The following RAE1 variants were observed in gnomAD, a reference collection of about 807,000 sequenced individuals.
RAE1 encodes the protein ribonucleic acid export 1.
RAE1 carries 13 observed loss-of-function variants against 52.7 expected under a neutral mutation model. The observed-to-expected ratio is 0.25, with a 90% CI of 0.16 to 0.39. The LOEUF (loss-of-function observed/expected upper bound fraction) is 0.39. Ranked by LOEUF, RAE1 falls within the 10% of genes least tolerant of loss-of-function variation. RAE1 has a pLI of 1.00. For synonymous variants in RAE1, 164 were observed against 153.1 expected, an observed-to-expected ratio of 1.07 and a Z score of -0.52; for missense variants, 262 against 459.8, an observed-to-expected ratio of 0.57 and a Z score of 3.93.
Position 57,378,322 on chromosome 20 carries a change from T to G in RAE1, c.*223T>G. 1 of 506,436 alleles carries G rather than the reference T, an allele frequency of 2.0e-6. No homozygotes were observed. Among genetic ancestry groups the G allele is most frequent in the Non-Finnish European group, 3.5e-6 (1 of 282,260 alleles). The allele number at this position is 506,436 out of a possible 1,614,324, so 31.4% of individuals were successfully genotyped here. A position where few individuals can be genotyped will look rare whatever the true frequency, so the allele number is the denominator to read the frequency against. On this transcript the variant is annotated 3_prime_UTR_variant, in exon 12 of 12. Coordinates refer to ENST00000395841, the MANE Select transcript of RAE1 (RefSeq NM_003610.4). The stretch of plus-strand genomic sequence containing the variant: ...CAGAGTTTTTCTGTAACTAAGGGGG[T>G]TGAGGTTATTGTAGACGTTAGATTG...
intron 4 of RAE1, chr20:57,357,349 A>G (rs143312091): frequency 2.1e-4 from 32 of 152,312 alleles, no homozygotes; most frequent in African/African-American, 7.5e-4. Flanking sequence ...TATCATCTAA[A>G]TAAATCCTAT....
intron 1 of RAE1, chr20:57,351,755 C>G: frequency 1.0e-6 from 1 of 985,512 alleles, no homozygotes; most frequent in Non-Finnish European, 1.2e-6. Flanking sequence ...CTTTCCCTGG[C>G]CGCTTTGCAG....
chr20:57,362,732 A>G (rs757265269), intron 4 of RAE1, among the ~76,000 whole-genome samples: 13 of 152,164 alleles, frequency 8.5e-5, no homozygotes, highest in Non-Finnish European at 1.9e-4. Flanking sequence ...AGCAGCTGTA[A>G]AGTTTGGAAA....
rs1052900642 is a variant in RAE1 at position 57,351,696 on chromosome 20, C to T, written c.-8+274C>T. The T allele has an allele frequency of 3.8e-5, 37 of 985,388 alleles. No individual in the cohort carries two copies. In the African/African-American group the frequency reaches 6.3e-4, roughly 17 times the overall value. 61.0% of individuals were successfully genotyped at this position (985,388 alleles called of 1,614,324 possible). On this transcript the variant is annotated intron_variant, in intron 1 of 11. Coordinates refer to ENST00000395841, the MANE Select transcript of RAE1 (RefSeq NM_003610.4). ...AGTGTGTGTCGCCTCTGTCCCTCCC[C>T]CTTACACGTCTGGCGTCTCGTCAGA...
chr20:57,371,700 C>G (rs2067038070), intron 8 of RAE1: 1 of 152,218 alleles, frequency 6.6e-6, no homozygotes, highest in Admixed American at 6.5e-5. Context: ...GTTCCACTTA[C>G]AGGTCTTGAT....
chr20:57,354,194 G>GA, intron 2 of RAE1, 66 bp downstream of exon 2: 4 of 1,417,692 alleles, frequency 2.8e-6, no homozygotes, highest in Non-Finnish European at 3.9e-6. Flanking sequence ...ATCAAGGACA[G>GA]AACCCGAGAT....
chr20:57,378,999 T>G lies in RAE1; in HGVS notation c.*900T>G, dbSNP rs1036127837. 2.6e-5 allele frequency: 4 copies of G among 152,216 alleles called. No homozygotes were observed. The highest frequency in any genetic ancestry group is 5.9e-5 in the Non-Finnish European group (4 of 68,048). 9.4% of individuals were successfully genotyped at this position (152,216 alleles called of 1,614,324 possible). A position where few individuals can be genotyped will look rare whatever the true frequency, so the allele number is the denominator to read the frequency against. ...GGTTGGTAAGTATTCAAAATGAAAT[T>G]CAGCTGGGCTGAGAAAAAGTGTGAC... On this transcript the variant is annotated 3_prime_UTR_variant, in exon 12 of 12. Coordinates refer to ENST00000395841, the MANE Select transcript of RAE1 (RefSeq NM_003610.4).
intron 11 of RAE1, among the ~76,000 whole-genome samples, chr20:57,377,445 C>T (rs1463579009): frequency 6.6e-6 from 1 of 152,204 alleles, no homozygotes; most frequent in Non-Finnish European, 1.5e-5. Flanking sequence ...TGTAGTCTGG[C>T]CTCATCCTGA....
At chr20:57,365,281 C>A in intron 4 of RAE1, 75 bp from the exon 5 acceptor site, 1 of 1,076,440 alleles carries the variant, frequency 9.3e-7, no homozygotes, top group Non-Finnish European at 1.3e-6. Context: ...ATATGTTCAA[C>A]GTAGTATCTA....
rs41303907 is a variant in RAE1 at position 57,351,409 on chromosome 20, G to A, written c.-21G>A. On this transcript the variant is annotated 5_prime_UTR_variant, in exon 1 of 12. Coordinates refer to ENST00000395841, the MANE Select transcript of RAE1 (RefSeq NM_003610.4). ...GCTCCCGGCCGCCGCTTTCCGCCGGGGCGAGACCCCCAGGTAGGCCCCGTG... is the reference window on the plus strand; with the variant it reads ...GCTCCCGGCCGCCGCTTTCCGCCGGAGCGAGACCCCCAGGTAGGCCCCGTG... 3.3e-3 allele frequency: 3,252 copies of A among 985,522 alleles called. 6 individuals are homozygous for A. The highest frequency in any genetic ancestry group is 3.7e-3 in the Non-Finnish European group (3,065 of 830,000). The allele number at this position is 985,522 out of a possible 1,614,324, so 61.0% of individuals were successfully genotyped here.
At chr20:57,352,819 A>G (rs541889624) in intron 1 of RAE1, among the ~76,000 whole-genome samples, 15 of 152,348 alleles carry the variant, frequency 9.8e-5, no homozygotes, top group Non-Finnish European at 2.9e-5. Flanking sequence ...CCGTGTAACC[A>G]GCACCTGGAC....
At chr20:57,364,125 T>G (rs752026254) in intron 4 of RAE1, among the ~76,000 whole-genome samples, 1 of 152,210 alleles carries the variant, frequency 6.6e-6, no homozygotes, top group Non-Finnish European at 1.5e-5. Context: ...AAAGTTACCT[T>G]GGAGGCATAA....
At chr20:57,362,989 G>A (rs535500252) in intron 4 of RAE1, among the ~76,000 whole-genome samples, 11 of 152,156 alleles carry the variant, frequency 7.2e-5, no homozygotes, top group African/African-American at 2.6e-4. Context: ...CCATGTTGCC[G>A]AGACTGATCA....
At position 57,378,281 on chromosome 20, in the gene RAE1, A is replaced by G; in HGVS notation, c.*182A>G. 1.8e-6 allele frequency: 1 copy of G among 556,104 alleles called. No individual in the cohort carries two copies. The highest frequency in any genetic ancestry group is 3.2e-6 in the Non-Finnish European group (1 of 312,126). 34.4% of individuals were successfully genotyped at this position (556,104 alleles called of 1,614,324 possible). On this transcript the variant is annotated 3_prime_UTR_variant, in exon 12 of 12. Coordinates refer to ENST00000395841, the MANE Select transcript of RAE1 (RefSeq NM_003610.4). ...GTCCGCGGCGACTTGCCGTCTCTCC[A>G]TTCCACTGCCTGTTGCAGAGTTTTT...
In RAE1 at chr20:57,378,316, A is replaced by C. The variant is rs2146188037; in HGVS notation, c.*217A>C. On this transcript the variant is annotated 3_prime_UTR_variant, in exon 12 of 12. Transcript: ENST00000395841. ...CTGTTGCAGAGTTTTTCTGTAACTAAGGGGGTTGAGGTTATTGTAGACGTT... is the reference window on the plus strand; with the variant it reads ...CTGTTGCAGAGTTTTTCTGTAACTACGGGGGTTGAGGTTATTGTAGACGTT... 1 of 512,016 alleles carries C rather than the reference A, an allele frequency of 2.0e-6. No individual in the cohort carries two copies. Among genetic ancestry groups the C allele is most frequent in the Middle Eastern group, 5.2e-4 (1 of 1,940 alleles). 31.7% of individuals were successfully genotyped at this position (512,016 alleles called of 1,614,324 possible).
Position 57,378,982 on chromosome 20 carries a change from A to T in RAE1, c.*883A>T, listed in dbSNP as rs1174665443. On this transcript the variant is annotated 3_prime_UTR_variant, in exon 12 of 12. Coordinates refer to ENST00000395841, the MANE Select transcript of RAE1 (RefSeq NM_003610.4). ...TGTAATTTAAAATTCCTGGTTGGTAAGTATTCAAAATGAAATTCAGCTGGG... is the reference window on the plus strand; with the variant it reads ...TGTAATTTAAAATTCCTGGTTGGTATGTATTCAAAATGAAATTCAGCTGGG... 1 of 152,228 alleles carries T rather than the reference A, an allele frequency of 6.6e-6. No individual in the cohort carries two copies. The highest frequency in any genetic ancestry group is 1.5e-5 in the Non-Finnish European group (1 of 68,042). The allele number at this position is 152,228 out of a possible 1,614,324, so 9.4% of individuals were successfully genotyped here.
chr20:57,358,983 GGATA>G (rs1568781824), intron 4 of RAE1: 1 of 1,502,904 alleles, frequency 6.7e-7, no homozygotes, highest in African/African-American at 1.4e-5. Flanking sequence ...GCCTCTTCAC[GGATA>G]GATCAATTTC....
intron 10 of RAE1, among the ~76,000 whole-genome samples, chr20:57,374,223 A>G (rs181945410): frequency 6.6e-6 from 1 of 152,188 alleles, no homozygotes; most frequent in African/African-American, 2.4e-5. Context: ...AGTGTTGTGT[A>G]TTTGTTTCTG....
intron 8 of RAE1, chr20:57,373,045 C>A: frequency 4.6e-6 from 1 of 217,230 alleles, no homozygotes; most frequent in South Asian, 6.4e-5. Flanking sequence ...ACCCTGTTAC[C>A]CTGTGAGACG....
Sources: gnomAD v4.1 joint callset for allele counts (sites outside exome capture counted in the v4.1 genomes callset) on GRCh38, gnomAD v4.1.1 for gene constraint, MANE v1.5 for transcripts, NCBI Gene and HGNC (gene_info 2026-07-23, HGNC 2026-07-21) for gene names.